DENND1A: variants seen among roughly 807,000 people sequenced by gnomAD.
The protein encoded by DENND1A is DENN domain-containing protein 1A.
A neutral mutation model predicts 113.7 loss-of-function variants in DENND1A; 51 were observed. The observed-to-expected ratio is 0.45, with a 90% CI of 0.36 to 0.57. The LOEUF is 0.57. DENND1A is among the 20% of genes least tolerant of loss of function. DENND1A has a pLI of 0.00. For missense variants in DENND1A, 1,258 were observed against 1,395.9 expected (o/e 0.90, Z 1.57); for synonymous variants, 565 against 570.8 (o/e 0.99, Z 0.14).
chr9:123,870,210 C>A (rs1429679489), intron 2 of DENND1A, among the ~76,000 whole-genome samples: 2 of 151,900 alleles, frequency 1.3e-5, no homozygotes, highest in Non-Finnish European at 2.9e-5. Flanking sequence ...GATTTATCTG[C>A]CCCCACATTA....
chr9:123,508,251 G>T (rs1016848570), intron 13 of DENND1A, among the ~76,000 whole-genome samples: 7 of 152,184 alleles, frequency 4.6e-5, no homozygotes, highest in African/African-American at 1.4e-4. Flanking sequence ...GATGACAACG[G>T]GATCATATTG....
intron 5 of DENND1A, among the ~76,000 whole-genome samples, chr9:123,733,301 A>T (rs1352515074): frequency 3.4e-5 from 5 of 146,436 alleles, no homozygotes; most frequent in Non-Finnish European, 7.5e-5. Flanking sequence ...TTTTTTAAAG[A>T]CAGGATCTGA....
chr9:123,615,297 T>G (rs1394570040), intron 10 of DENND1A, among the ~76,000 whole-genome samples: 1 of 152,220 alleles, frequency 6.6e-6, no homozygotes, highest in East Asian at 1.9e-4. Context: ...AGCTAAATCA[T>G]TCATCTGACG....
chr9:123,924,106 T>C (rs1456269076), intron 1 of DENND1A, among the ~76,000 whole-genome samples: 1 of 152,150 alleles, frequency 6.6e-6, no homozygotes, highest in African/African-American at 2.4e-5. Flanking sequence ...AATGAAACAC[T>C]CATGCATGCT....
In DENND1A at chr9:123,909,272, G is replaced by A. The variant is rs559771999; in HGVS notation, c.17+20617C>T. On this transcript the variant is annotated intron_variant, in intron 1 of 23. Transcript: ENST00000394215. ...TAGATGATGAGTTAGTGGGTGCAGC[G>A]CACCAGCATGGCACATGTATACATA... 4.6e-5 allele frequency among the ~76,000 whole-genome samples: 7 copies of A among 151,300 alleles called. No individual in the cohort carries two copies. The South Asian group carries it at 6.3e-4, about 14-fold the overall frequency.
chr9:123,817,558 C>T lies in DENND1A; in HGVS notation c.89-24928G>A, dbSNP rs1159449193. ...CACATGTTAAATTATTTTGGGAGTC[C>T]CCTTTTGAAAACTTCCCTCAGAGAC... On this transcript the variant is annotated intron_variant, in intron 2 of 23. Coordinates refer to ENST00000394215, the MANE Select transcript of DENND1A (RefSeq NM_001352964.2). Among the ~76,000 whole-genome samples, 4 of 152,046 alleles carry T rather than the reference C, an allele frequency of 2.6e-5. No individual in the cohort carries two copies. In the East Asian group the frequency reaches 7.7e-4, roughly 29 times the overall value.
At chr9:123,469,539 A>C (rs2049229501) in intron 13 of DENND1A, among the ~76,000 whole-genome samples, 1 of 152,266 alleles carries the variant, frequency 6.6e-6, no homozygotes, top group African/African-American at 2.4e-5. Flanking sequence ...AACAGGGAGA[A>C]GTCAGGAAAT....
intron 8 of DENND1A, among the ~76,000 whole-genome samples, chr9:123,654,382 C>T (rs1218199205): frequency 6.6e-6 from 1 of 152,118 alleles, no homozygotes; most frequent in Non-Finnish European, 1.5e-5. Flanking sequence ...GCCACCAAAA[C>T]GTGGCCTCAA....
At chr9:123,561,314 G>T (rs567383420) in intron 12 of DENND1A, among the ~76,000 whole-genome samples, 9 of 152,128 alleles carry the variant, frequency 5.9e-5, no homozygotes, top group Non-Finnish European at 1.3e-4. Flanking sequence ...GAGCAAATAC[G>T]AGTGTGTCCC....
chr9:123,881,276 C>T (rs1255049747), intron 1 of DENND1A, among the ~76,000 whole-genome samples: 1 of 152,168 alleles, frequency 6.6e-6, no homozygotes, highest in African/African-American at 2.4e-5. Context: ...GCATCTTTGG[C>T]ATATGGGACC....
intron 13 of DENND1A, among the ~76,000 whole-genome samples, chr9:123,467,700 AATG>A (rs2049071932): frequency 6.6e-6 from 1 of 152,102 alleles, no homozygotes; most frequent in South Asian, 2.1e-4. Flanking sequence ...CAAAGGTAAA[AATG>A]TTAGGAATTT....
At position 123,588,271 on chromosome 9, in the gene DENND1A, GA is replaced by G. The variant is rs1168726860; in HGVS notation, c.766-5002del. On this transcript the variant is annotated intron_variant, in intron 11 of 23. Coordinates refer to ENST00000394215, the MANE Select transcript of DENND1A (RefSeq NM_001352964.2). The stretch of plus-strand genomic sequence containing the variant: ...GCACTCCAGCTTGGACAATAAGAGT[GA>G]AACTCTGTCTCAAAAAAAAAAAAAA... 3.0e-5 allele frequency among the ~76,000 whole-genome samples: 3 copies of G among 98,394 alleles called. No homozygotes were observed. In the Admixed American group the frequency reaches 4.1e-4, roughly 13 times the overall value. The allele number at this position is 98,394 out of a possible 152,430, so 64.6% of individuals were successfully genotyped here. A position where few individuals can be genotyped will look rare whatever the true frequency, so the allele number is the denominator to read the frequency against.
intron 15 of DENND1A, 96 bp from the exon 16 acceptor site, chr9:123,454,875 T>C (rs2048000291): frequency 4.3e-5 from 42 of 975,888 alleles, no homozygotes; most frequent in Middle Eastern, 2.2e-4. Context: ...TGAGATGGAG[T>C]CTCACGCTGT....
intron 20 of DENND1A, among the ~76,000 whole-genome samples, chr9:123,409,193 A>G (rs1339684842): frequency 6.6e-6 from 1 of 152,126 alleles, no homozygotes; most frequent in Non-Finnish European, 1.5e-5. Flanking sequence ...AATGAATATT[A>G]ATTCTCTTCT....
At chr9:123,753,090 A>G (rs1382625875) in intron 5 of DENND1A, among the ~76,000 whole-genome samples, 12 of 152,232 alleles carry the variant, frequency 7.9e-5, no homozygotes, top group African/African-American at 1.2e-4. Context: ...GCTGGTAATA[A>G]GAGTTCATAC....
intron 5 of DENND1A, among the ~76,000 whole-genome samples, chr9:123,721,889 T>C (rs2067368569): frequency 6.6e-6 from 1 of 152,162 alleles, no homozygotes; most frequent in Non-Finnish European, 1.5e-5. Flanking sequence ...AGTAAATTGG[T>C]ACCAGTAGAG....
At chr9:123,667,601 G>A (rs1285475867) in intron 7 of DENND1A, among the ~76,000 whole-genome samples, 2 of 152,114 alleles carry the variant, frequency 1.3e-5, no homozygotes, top group Admixed American at 1.3e-4. Flanking sequence ...TGGGCGACAA[G>A]AATGAAACTC....
intron 2 of DENND1A, among the ~76,000 whole-genome samples, chr9:123,830,631 G>A (rs1289161394): frequency 1.3e-5 from 2 of 151,918 alleles, no homozygotes; most frequent in African/African-American, 2.4e-5. Context: ...TTGGGAGGCC[G>A]AGGGGGGCGG....
At chr9:123,577,810 C>T (rs1017115941) in intron 12 of DENND1A, among the ~76,000 whole-genome samples, 4 of 152,142 alleles carry the variant, frequency 2.6e-5, no homozygotes, top group African/African-American at 9.7e-5. Flanking sequence ...ATTTTAGGAC[C>T]CCTAAAGCCC....
Sources: allele counts gnomAD v4.1 joint callset (sites outside exome capture counted in the v4.1 genomes callset), GRCh38; gene constraint gnomAD v4.1.1; transcripts MANE v1.5; gene names NCBI Gene and HGNC (gene_info 2026-07-23, HGNC 2026-07-21).